SLIT3: variants seen among roughly 807,000 people sequenced by gnomAD.
The protein encoded by SLIT3 is slit homolog 3 protein.
Under a neutral mutation model 184.0 loss-of-function variants are expected in SLIT3, and 68 were observed. That is an observed-to-expected ratio of 0.37 (90% CI 0.30 to 0.45). The LOEUF is 0.45. Ranked by LOEUF, SLIT3 falls within the 20% of genes least tolerant of loss-of-function variation. The pLI, the probability that SLIT3 is intolerant of heterozygous loss-of-function variation, is 1.00. For missense variants in SLIT3, 1,707 were observed against 2,026.0 expected (o/e 0.84, Z 3.02); for synonymous variants, 831 against 828.6 (o/e 1.00, Z -0.05).
intron 34 of SLIT3, among the ~76,000 whole-genome samples, chr5:168,670,853 C>T (rs1324654188): frequency 1.3e-5 from 2 of 152,180 alleles, no homozygotes; most frequent in Non-Finnish European, 2.9e-5. Flanking sequence ...TGGTTATATA[C>T]ACCTGGTGCC....
rs1554138219 is a variant in SLIT3 at position 168,753,167 on chromosome 5, G to GTT, written c.1830-70_1830-69insAA. 1,014 of 1,533,304 alleles carry GTT rather than the reference G, an allele frequency of 6.6e-4. 7 individuals carry two copies. In the African/African-American group the frequency reaches 0.011, roughly 16 times the overall value. 95.0% of individuals were successfully genotyped at this position (1,533,304 alleles called of 1,614,324 possible). On this transcript the variant is annotated intron_variant, in intron 17 of 35. Coordinates refer to ENST00000519560, the MANE Select transcript of SLIT3 (RefSeq NM_003062.4). Reference sequence around the variant, plus strand: ...TTTCTGTCCCAAATGGTGCCACGGTGGTGTGTGTGTGTGTATAGGTGAGAT... The same window carrying GTT: ...TTTCTGTCCCAAATGGTGCCACGGTGTTGTGTGTGTGTGTGTATAGGTGAGAT...
At chr5:168,957,041 C>T (rs1762849269) in intron 4 of SLIT3, among the ~76,000 whole-genome samples, 1 of 151,538 alleles carries the variant, frequency 6.6e-6, no homozygotes, top group Non-Finnish European at 1.5e-5. Context: ...GCAGCCTGAC[C>T]AACATGGTGA....
intron 10 of SLIT3, chr5:168,790,704 C>T (rs1756334679): frequency 6.6e-6 from 1 of 152,026 alleles, no homozygotes; most frequent in Non-Finnish European, 1.5e-5. Context: ...CTTGGAAGGT[C>T]AACAAGGAGG....
intron 10 of SLIT3, chr5:168,792,165 T>A (rs1756400936): frequency 6.6e-6 from 1 of 152,290 alleles, no homozygotes; most frequent in African/African-American, 2.4e-5. Flanking sequence ...GGAGGCACAA[T>A]GCAGGGCATT....
chr5:168,907,022 G>A (rs555007324), intron 4 of SLIT3, among the ~76,000 whole-genome samples: 17 of 151,960 alleles, frequency 1.1e-4, no homozygotes, highest in South Asian at 2.1e-4. Context: ...CACCAAGCCC[G>A]GCTAATGTTT....
chr5:169,003,737 T>G (rs1054577903), intron 4 of SLIT3, among the ~76,000 whole-genome samples: 3 of 152,250 alleles, frequency 2.0e-5, no homozygotes, highest in Non-Finnish European at 2.9e-5. Context: ...CTCTCTTTTT[T>G]TCCTTAAGGC....
chr5:168,722,443 G>T, intron 22 of SLIT3, 116 bp from the exon 23 acceptor site: 1 of 862,858 alleles, frequency 1.2e-6, no homozygotes, highest in South Asian at 1.5e-5. Context: ...TTGATATATT[G>T]ACAGAACATC....
chr5:169,085,163 G>A (rs1479018655), intron 4 of SLIT3, among the ~76,000 whole-genome samples: 2 of 152,000 alleles, frequency 1.3e-5, no homozygotes, highest in African/African-American at 4.8e-5. Context: ...ACTTCTACTG[G>A]GGTTTACTTG....
intron 5 of SLIT3, 36 bp from the exon 6 acceptor site, chr5:168,844,691 G>C: frequency 6.2e-7 from 1 of 1,606,332 alleles, no homozygotes; most frequent in Non-Finnish European, 8.5e-7. Context: ...AAGGCTGAGC[G>C]GGGGCAGCGT....
At chr5:169,034,746 AT>A (rs60312988) in intron 4 of SLIT3, among the ~76,000 whole-genome samples, 399 of 142,166 alleles carry the variant, frequency 2.8e-3, no homozygotes, top group South Asian at 0.011. Context: ...ATTTCCTATG[AT>A]TTTTTTTTTT....
chr5:169,069,890 G>T (rs546667903), intron 4 of SLIT3, among the ~76,000 whole-genome samples: 1 of 152,258 alleles, frequency 6.6e-6, no homozygotes, highest in East Asian at 1.9e-4. Flanking sequence ...TGGGTAGTGG[G>T]GAACCCTCGG....
chr5:169,020,847 T>A (rs970160046), intron 4 of SLIT3, among the ~76,000 whole-genome samples: 1 of 152,174 alleles, frequency 6.6e-6, no homozygotes, highest in Non-Finnish European at 1.5e-5. Flanking sequence ...AATACCCACA[T>A]AATGAATTTG....
At chr5:168,978,699 G>A (rs965238097) in intron 4 of SLIT3, among the ~76,000 whole-genome samples, 3 of 152,218 alleles carry the variant, frequency 2.0e-5, no homozygotes, top group Non-Finnish European at 4.4e-5. Context: ...GAGGAGGGAT[G>A]ACAGATTCAG....
Position 168,666,665 on chromosome 5 carries a change from A to C in SLIT3, c.4361T>G (p.Val1454Gly), listed in dbSNP as rs146090354. 3.2e-4 allele frequency: 511 copies of C among 1,614,160 alleles called. 6 individuals are homozygous for C. In the Middle Eastern group the frequency reaches 4.3e-3, roughly 14 times the overall value. Residue 1454 changes from valine to glycine, a missense_variant, in exon 36 of 36, where the codon GTC (valine) becomes GGC (glycine). Transcript: ENST00000519560. The stretch of plus-strand genomic sequence containing the variant: ...TTTCTGGCGGCGGATCACCTCTCGG[A>C]CTACTTGTCCCAGGCACGGATTCTC... The part of the protein sequence containing the change: ...QQENPCLGQV[V>G]REVIRRQKGY...
Position 169,207,020 on chromosome 5 carries a change from G to A in SLIT3, c.342-13470C>T, listed in dbSNP as rs547361163. ...ACTTTTCAGATTGCATTGTCACTTC[G>A]ATCTGATTGAATCTTTTCCTTATTC... On this transcript the variant is annotated intron_variant, in intron 3 of 35. Coordinates refer to ENST00000519560, the MANE Select transcript of SLIT3 (RefSeq NM_003062.4). Among the ~76,000 whole-genome samples, 17 of 150,730 alleles carry A rather than the reference G, an allele frequency of 1.1e-4. No homozygotes were observed. In the South Asian group the frequency reaches 3.4e-3, roughly 30 times the overall value.
At chr5:169,155,687 G>A (rs1005995329) in intron 4 of SLIT3, among the ~76,000 whole-genome samples, 1 of 152,220 alleles carries the variant, frequency 6.6e-6, no homozygotes, top group Non-Finnish European at 1.5e-5. Flanking sequence ...TTCCTTTGAA[G>A]TAAGAGTTTG....
intron 4 of SLIT3, among the ~76,000 whole-genome samples, chr5:168,941,625 T>C (rs1470054032): frequency 6.6e-6 from 1 of 152,224 alleles, no homozygotes; most frequent in East Asian, 1.9e-4. Context: ...ATCCAGTCTC[T>C]GACTTGCCCT....
At chr5:169,020,221 G>T (rs1293717421) in intron 4 of SLIT3, among the ~76,000 whole-genome samples, 1 of 152,154 alleles carries the variant, frequency 6.6e-6, no homozygotes, top group Non-Finnish European at 1.5e-5. Flanking sequence ...GAGACTGGCT[G>T]GCAGTTGAAC....
chr5:169,210,364 C>A (rs542477025), intron 3 of SLIT3, among the ~76,000 whole-genome samples: 1 of 151,998 alleles, frequency 6.6e-6, no homozygotes, highest in African/African-American at 2.4e-5. Context: ...TACAAAAATG[C>A]GTAACTCTCT....
Sources: allele counts gnomAD v4.1 joint callset (sites outside exome capture counted in the v4.1 genomes callset), GRCh38; gene constraint gnomAD v4.1.1; transcripts MANE v1.5; gene names NCBI Gene and HGNC (gene_info 2026-07-23, HGNC 2026-07-21).